MPP7: variants seen among roughly 807,000 people sequenced by gnomAD.
MPP7 encodes MAGUK p55 subfamily member 7.
A neutral mutation model predicts 76.5 loss-of-function variants in MPP7; 60 were observed. The observed-to-expected ratio is 0.78, with a 90% CI of 0.64 to 0.97. The LOEUF (loss-of-function observed/expected upper bound fraction) is 0.97. Ranked by LOEUF, MPP7 falls within the 50% of genes least tolerant of loss-of-function variation. The probability of loss-of-function intolerance (pLI) is 0.00; values close to 1 mark genes in which losing one functional copy is unlikely to be tolerated. For missense variants in MPP7, 641 were observed against 694.0 expected (o/e 0.92, Z 0.86); for synonymous variants, 237 against 244.5 (o/e 0.97, Z 0.29).
chr10:28,311,221 C>T (rs1841287823), intron 2 of MPP7, among the ~76,000 whole-genome samples: 1 of 152,168 alleles, frequency 6.6e-6, no homozygotes, highest in Non-Finnish European at 1.5e-5. Context: ...GGCAACCCTT[C>T]AAGATTGATT....
At chr10:28,112,713 AAG>A (rs1276082836) in intron 11 of MPP7, among the ~76,000 whole-genome samples, 2 of 152,212 alleles carry the variant, frequency 1.3e-5, no homozygotes, top group Non-Finnish European at 2.9e-5. Flanking sequence ...TTGATCTCAG[AAG>A]AGAGTTGGGA....
rs143151422 is a variant in MPP7 at position 28,211,095 on chromosome 10, T to G, written c.38-8824A>C. Among the ~76,000 whole-genome samples the G allele has an allele frequency of 3.7e-3, 560 of 149,582 alleles. 4 individuals are homozygous for G. Among genetic ancestry groups the G allele is most frequent in the African/African-American group, 0.012 (508 of 41,226 alleles). On this transcript the variant is annotated intron_variant, in intron 2 of 16. Coordinates refer to ENST00000683449, the MANE Select transcript of MPP7 (RefSeq NM_001318170.2). ...TGCAGGAGAAACATATGTCACTGTCTCACTGTCTTTTCTTTTTTTTTTAGA... is the reference window on the plus strand; with the variant it reads ...TGCAGGAGAAACATATGTCACTGTCGCACTGTCTTTTCTTTTTTTTTTAGA...
chr10:28,217,247 G>A (rs12244014), intron 2 of MPP7, among the ~76,000 whole-genome samples: 2,377 of 152,200 alleles, frequency 0.016, 72 homozygotes, highest in African/African-American at 0.052. Flanking sequence ...AACTGAATTA[G>A]TCTGGGCCCA....
chr10:28,204,619 T>C (rs1837889411), intron 2 of MPP7, among the ~76,000 whole-genome samples: 1 of 152,142 alleles, frequency 6.6e-6, no homozygotes, highest in Non-Finnish European at 1.5e-5. Flanking sequence ...AGAAAGTAGC[T>C]GAGGGGTACA....
Position 28,051,635 on chromosome 10 carries a change from T to A in MPP7, c.*2430A>T, listed in dbSNP as rs559255153. Reference sequence around the variant, plus strand: ...GGAGAAGGAGGCTGGGGGAAGAAAGTACAGAATTCAGGGCCTTTTTGCTGC... The same window carrying A: ...GGAGAAGGAGGCTGGGGGAAGAAAGAACAGAATTCAGGGCCTTTTTGCTGC... On this transcript the variant is annotated 3_prime_UTR_variant, in exon 17 of 17. Transcript: ENST00000683449. 6.6e-6 allele frequency: 1 copy of A among 152,148 alleles called. No homozygotes were observed. The highest frequency in any genetic ancestry group is 1.5e-5 in the Non-Finnish European group (1 of 68,016). 9.4% of individuals were successfully genotyped at this position (152,148 alleles called of 1,614,324 possible).
intron 3 of MPP7, among the ~76,000 whole-genome samples, chr10:28,195,096 T>A (rs917763806): frequency 1.5e-4 from 23 of 152,304 alleles, no homozygotes; most frequent in African/African-American, 5.3e-4. Flanking sequence ...AATTGGACAT[T>A]TCTCCAAAGA....
At chr10:28,146,033 G>T (rs527940543) in intron 5 of MPP7, among the ~76,000 whole-genome samples, 2 of 151,858 alleles carry the variant, frequency 1.3e-5, no homozygotes, top group Non-Finnish European at 2.9e-5. Flanking sequence ...TAATACCCTT[G>T]AACCAAAACA....
chr10:28,156,494 G>A (rs981249239), intron 3 of MPP7, among the ~76,000 whole-genome samples: 25 of 152,232 alleles, frequency 1.6e-4, no homozygotes, highest in African/African-American at 5.1e-4. Context: ...CTGAGGTCAC[G>A]CAACCAAATG....
At chr10:28,237,164 A>C (rs1301202222) in intron 2 of MPP7, among the ~76,000 whole-genome samples, 1 of 152,242 alleles carries the variant, frequency 6.6e-6, no homozygotes, top group Non-Finnish European at 1.5e-5. Flanking sequence ...TTTTGCATTA[A>C]ATTAAACTAA....
At chr10:28,279,479 A>G (rs1464400076) in intron 1 of MPP7, among the ~76,000 whole-genome samples, 1 of 151,998 alleles carries the variant, frequency 6.6e-6, no homozygotes, top group African/African-American at 2.4e-5. Flanking sequence ...CTGTAATCCC[A>G]TCACTTTGGG....
At chr10:28,250,148 T>C (rs1839568158) in intron 1 of MPP7, among the ~76,000 whole-genome samples, 1 of 152,100 alleles carries the variant, frequency 6.6e-6, no homozygotes, top group Non-Finnish European at 1.5e-5. Context: ...CTTTCCTGAT[T>C]TTATTTCCCT....
At chr10:28,300,568 A>G (rs1841130718) in intron 1 of MPP7, among the ~76,000 whole-genome samples, 1 of 152,204 alleles carries the variant, frequency 6.6e-6, no homozygotes, top group African/African-American at 2.4e-5. Context: ...GTGTAAGAAG[A>G]GTTGCCTTAT....
At chr10:28,077,194 G>A (rs4747613) in intron 12 of MPP7, among the ~76,000 whole-genome samples, 21,378 of 151,358 alleles carry the variant, frequency 0.14, 1,934 homozygotes, top group East Asian at 0.33. Flanking sequence ...GACTATATTC[G>A]ATTTTGGGCC....
At chr10:28,305,435 A>C (rs1045631700), upstream of MPP7, 1 of 152,126 alleles carries the variant, frequency 6.6e-6, no homozygotes, top group African/African-American at 2.4e-5. Flanking sequence ...CATTAAGCCA[A>C]TCATCAGGAA....
chr10:28,312,579 A>G lies in MPP7; in HGVS notation c.-132+17350T>C, dbSNP rs1841295997. Among the ~76,000 whole-genome samples the G allele has an allele frequency of 2.6e-5, 4 of 152,226 alleles. No homozygotes were observed. The South Asian group carries it at 6.2e-4, about 24-fold the overall frequency. On this transcript the variant is annotated intron_variant, in intron 2 of 11. Coordinates refer to the MPP7 transcript ENST00000441595. ...AAACCAGTCTCAACACTTTTTAGCCATACTCATTAAGAACAAAATACGTGA... is the reference window on the plus strand; with the variant it reads ...AAACCAGTCTCAACACTTTTTAGCCGTACTCATTAAGAACAAAATACGTGA...
At chr10:28,118,797 C>T (rs1454125552) in intron 11 of MPP7, 6 of 985,274 alleles carry the variant, frequency 6.1e-6, no homozygotes, top group Non-Finnish European at 7.2e-6. Flanking sequence ...GGGCTATATG[C>T]TTCTGCAAAC....
At chr10:28,245,210 C>T (rs751564928) in intron 1 of MPP7, among the ~76,000 whole-genome samples, 8 of 152,158 alleles carry the variant, frequency 5.3e-5, no homozygotes, top group Admixed American at 4.6e-4. Context: ...TTCTTGATTA[C>T]GTTTTCCTTG....
intron 2 of MPP7, among the ~76,000 whole-genome samples, chr10:28,324,441 T>C (rs1834393184): frequency 6.6e-6 from 1 of 152,212 alleles, no homozygotes; most frequent in Admixed American, 6.5e-5. Flanking sequence ...AAGATTATTA[T>C]GTACCACGAA....
At chr10:28,323,200 G>A (rs1834381925) in intron 2 of MPP7, among the ~76,000 whole-genome samples, 1 of 152,050 alleles carries the variant, frequency 6.6e-6, no homozygotes, top group Non-Finnish European at 1.5e-5. Flanking sequence ...CAGGAGAATG[G>A]CATGAACCTT....
Sources: gnomAD v4.1 joint callset for allele counts (sites outside exome capture counted in the v4.1 genomes callset) on GRCh38, gnomAD v4.1.1 for gene constraint, MANE v1.5 for transcripts, NCBI Gene and HGNC (gene_info 2026-07-23, HGNC 2026-07-21) for gene names.